B3GALT1: variants seen among roughly 807,000 people sequenced by gnomAD.
B3GALT1 encodes UDP-Gal:betaGlcNAc beta 1,3-galactosyltransferase, polypeptide 1.
A neutral mutation model predicts 23.2 loss-of-function variants in B3GALT1; 10 were observed. The ratio of observed to expected loss-of-function variants is 0.43; its 90% CI spans 0.27 to 0.73. The LOEUF (loss-of-function observed/expected upper bound fraction) is 0.73, where lower values mean the gene tolerates loss of function less well. B3GALT1 is among the 30% of genes least tolerant of loss of function. The pLI is 0.21. For missense variants in B3GALT1, 299 were observed against 405.4 expected, an observed-to-expected ratio of 0.74 and a Z score of 2.25; for synonymous variants, 156 against 141.5, an observed-to-expected ratio of 1.10 and a Z score of -0.73.
intron 3 of B3GALT1, among the ~76,000 whole-genome samples, chr2:167,704,135 C>A (rs1317865072): frequency 6.9e-6 from 1 of 145,746 alleles, no homozygotes; most frequent in South Asian, 2.2e-4. Context: ...GAGCCGAGAT[C>A]GCACCACTGC....
At chr2:167,861,997 G>A (rs1176679470) in intron 4 of B3GALT1, among the ~76,000 whole-genome samples, 3 of 152,156 alleles carry the variant, frequency 2.0e-5, no homozygotes, top group Admixed American at 2.0e-4. Context: ...GCTTGGTGAG[G>A]CTCCTGCAAC....
chr2:167,611,597 T>G (rs1464013132), intron 2 of B3GALT1, among the ~76,000 whole-genome samples: 1 of 152,002 alleles, frequency 6.6e-6, no homozygotes. Context: ...AAATAGACAT[T>G]GCCAGCGAGT....
chr2:167,565,472 A>C (rs1455333660), intron 2 of B3GALT1, among the ~76,000 whole-genome samples: 1 of 152,250 alleles, frequency 6.6e-6, no homozygotes, highest in African/African-American at 2.4e-5. Flanking sequence ...CTAAAACACC[A>C]AAAGCAGTGG....
intron 3 of B3GALT1, among the ~76,000 whole-genome samples, chr2:167,744,070 T>G (rs1220849646): frequency 6.6e-6 from 1 of 152,212 alleles, no homozygotes; most frequent in Non-Finnish European, 1.5e-5. Flanking sequence ...GATTTTTAAA[T>G]TAATCCTTTA....
At chr2:167,348,154 T>TA (rs1697254425) in intron 1 of B3GALT1, among the ~76,000 whole-genome samples, 1 of 152,162 alleles carries the variant, frequency 6.6e-6, no homozygotes, top group Non-Finnish European at 1.5e-5. Flanking sequence ...ACATAACACA[T>TA]ATTCAGTAAA....
Position 167,870,117 on chromosome 2 carries a change from AG to A in B3GALT1, c.*101del. Reference sequence around the variant, plus strand: ...GGTGTCGGGGGAAATGAACTGGTGAAGGGGTTTTGTAAAGTTTTTGCTTCCT... The same window carrying A: ...GGTGTCGGGGGAAATGAACTGGTGAAGGGTTTTGTAAAGTTTTTGCTTCCT... On this transcript the variant is annotated 3_prime_UTR_variant, in exon 5 of 5. Coordinates refer to ENST00000392690, the MANE Select transcript of B3GALT1 (RefSeq NM_020981.4). 1 of 1,324,724 alleles carries A rather than the reference AG, an allele frequency of 7.5e-7. No individual in the cohort carries two copies. The highest frequency in any genetic ancestry group is 1.7e-5 in the South Asian group (1 of 59,950). 82.1% of individuals were successfully genotyped at this position (1,324,724 alleles called of 1,614,324 possible). A position where few individuals can be genotyped will look rare whatever the true frequency, so the allele number is the denominator to read the frequency against.
intron 3 of B3GALT1, among the ~76,000 whole-genome samples, chr2:167,716,288 T>C (rs1255413892): frequency 6.6e-6 from 1 of 151,956 alleles, no homozygotes; most frequent in Non-Finnish European, 1.5e-5. Context: ...CTGTTACACT[T>C]TACATCCTGA....
At chr2:167,747,912 G>A (rs1325326661) in intron 3 of B3GALT1, among the ~76,000 whole-genome samples, 1 of 152,112 alleles carries the variant, frequency 6.6e-6, no homozygotes, top group Non-Finnish European at 1.5e-5. Context: ...CTCATTTCAG[G>A]CCAATGGTTA....
chr2:167,763,138 T>C (rs1250129376), intron 3 of B3GALT1, among the ~76,000 whole-genome samples: 1 of 152,190 alleles, frequency 6.6e-6, no homozygotes, highest in African/African-American at 2.4e-5. Context: ...TTAAAACAAT[T>C]TTAAACAATG....
chr2:167,754,861 A>G lies in B3GALT1; in HGVS notation c.-351-63811A>G, dbSNP rs1687792686. On this transcript the variant is annotated intron_variant, in intron 3 of 4. Transcript: ENST00000392690. The stretch of plus-strand genomic sequence containing the variant: ...AATAAAAAATAAAAATGTCAATCAC[A>G]CAAATGTGTTGTCTGCCCTACCAAT... Among the ~76,000 whole-genome samples the G allele has an allele frequency of 2.0e-5, 3 of 152,266 alleles. No individual in the cohort carries two copies. The South Asian group carries it at 6.2e-4, about 32-fold the overall frequency.
intron 2 of B3GALT1, among the ~76,000 whole-genome samples, chr2:167,526,450 A>C (rs1009752389): frequency 1.3e-5 from 2 of 152,308 alleles, no homozygotes; most frequent in Admixed American, 1.3e-4. Context: ...TATCCCTATA[A>C]GAATATAACC....
At chr2:167,838,490 C>A in intron 4 of B3GALT1, among the ~76,000 whole-genome samples, 1 of 152,284 alleles carries the variant, frequency 6.6e-6, no homozygotes, top group Non-Finnish European at 1.5e-5. Flanking sequence ...GAAGTTGAAT[C>A]TCTGAATAGA....
intron 2 of B3GALT1, among the ~76,000 whole-genome samples, chr2:167,559,003 T>G (rs1185853801): frequency 6.6e-6 from 1 of 152,170 alleles, no homozygotes; most frequent in African/African-American, 2.4e-5. Context: ...GCAGACTGCC[T>G]CCTCAAGTGG....
intron 2 of B3GALT1, among the ~76,000 whole-genome samples, chr2:167,511,297 A>C (rs1348476442): frequency 6.6e-6 from 1 of 152,228 alleles, no homozygotes; most frequent in Non-Finnish European, 1.5e-5. Context: ...ACCAGATGGA[A>C]ATAATCGAAT....
chr2:167,851,270 G>T (rs927627752), intron 4 of B3GALT1, among the ~76,000 whole-genome samples: 1 of 151,914 alleles, frequency 6.6e-6, no homozygotes, highest in African/African-American at 2.4e-5. Context: ...CATGTGATTA[G>T]GTTTACCCCA....
chr2:167,371,222 C>A (rs10930270), intron 1 of B3GALT1, among the ~76,000 whole-genome samples: 14 of 151,780 alleles, frequency 9.2e-5, no homozygotes, highest in African/African-American at 1.9e-4. Context: ...TCCCCAATGC[C>A]TTGTCGTACA....
chr2:167,704,386 A>C (rs1686938195), intron 3 of B3GALT1, among the ~76,000 whole-genome samples: 1 of 152,158 alleles, frequency 6.6e-6, no homozygotes, highest in Admixed American at 6.5e-5. Flanking sequence ...TGTAAAGGAA[A>C]AAGTGAAAAT....
At chr2:167,407,693 A>G (rs569957790) in intron 1 of B3GALT1, among the ~76,000 whole-genome samples, 1 of 152,266 alleles carries the variant, frequency 6.6e-6, no homozygotes, top group South Asian at 2.1e-4. Flanking sequence ...ATCATTAGAC[A>G]CTATTATGAA....
intron 2 of B3GALT1, among the ~76,000 whole-genome samples, chr2:167,644,114 A>G (rs780579122): frequency 4.6e-5 from 7 of 152,228 alleles, no homozygotes; most frequent in Non-Finnish European, 7.3e-5. Context: ...GGAGGTGTTT[A>G]GAATTGTTAG....
Sources: allele counts gnomAD v4.1 joint callset (sites outside exome capture counted in the v4.1 genomes callset), GRCh38; gene constraint gnomAD v4.1.1; transcripts MANE v1.5; gene names NCBI Gene and HGNC (gene_info 2026-07-23, HGNC 2026-07-21).